ZMYND8: variants seen among roughly 807,000 people sequenced by gnomAD.
ZMYND8 encodes the protein zinc finger MYND-type containing 8.
Under a neutral mutation model 140.8 loss-of-function variants are expected in ZMYND8, and 37 were observed. The ratio of observed to expected loss-of-function variants is 0.26; its 90% CI spans 0.20 to 0.35. The LOEUF (loss-of-function observed/expected upper bound fraction) is 0.35, where lower values mean the gene tolerates loss of function less well. ZMYND8 is among the 10% of genes least tolerant of loss of function. The pLI is 1.00. For missense variants in ZMYND8, 1,068 were observed against 1,570.0 expected (o/e 0.68, Z 5.40); for synonymous variants, 592 against 597.1 (o/e 0.99, Z 0.12).
chr20:47,265,923 G>C (rs533131497), intron 11 of ZMYND8, among the ~76,000 whole-genome samples: 1 of 152,202 alleles, frequency 6.6e-6, no homozygotes, highest in South Asian at 2.1e-4. Flanking sequence ...CAAGAATAAG[G>C]GTGTCAGGAA....
chr20:47,343,626 T>G (rs1306929886), intron 2 of ZMYND8, among the ~76,000 whole-genome samples: 1 of 152,066 alleles, frequency 6.6e-6, no homozygotes, highest in Non-Finnish European at 1.5e-5. Context: ...ATTTTTCTGC[T>G]TCAGTCTCCC....
At position 47,246,447 on chromosome 20, in the gene ZMYND8, T is replaced by C. The variant is rs1196449419; in HGVS notation, c.1845A>G (p.Ser615=). 3.1e-6 allele frequency: 5 copies of C among 1,613,988 alleles called. No homozygotes were observed. The highest frequency in any genetic ancestry group is 1.3e-5 in the African/African-American group (1 of 75,048). ...EHSDSEDSEK[S]DSSDSEYISD... Reference sequence around the variant, plus strand: ...TGATATACTCACTATCGCTACTATCTGACTTCTCAGAATCCTCCGAATCGC... The same window carrying C: ...TGATATACTCACTATCGCTACTATCCGACTTCTCAGAATCCTCCGAATCGC... The change falls in exon 14 of 23, where the codon TCA becomes TCG. Residue 615 remains serine, a synonymous_variant. Transcript: ENST00000471951.
At chr20:47,240,444 G>A (rs1013101392) in intron 14 of ZMYND8, among the ~76,000 whole-genome samples, 3 of 151,636 alleles carry the variant, frequency 2.0e-5, no homozygotes, top group Non-Finnish European at 4.4e-5. Flanking sequence ...AACCCGGGAC[G>A]TGGAGGTTGC....
chr20:47,288,929 C>A (rs988073776), intron 7 of ZMYND8, among the ~76,000 whole-genome samples: 2 of 151,998 alleles, frequency 1.3e-5, no homozygotes, highest in African/African-American at 4.8e-5. Flanking sequence ...TGGCGAAACC[C>A]CATCTCTACT....
chr20:47,311,487 CTGTT>C (rs1247931301), intron 2 of ZMYND8, among the ~76,000 whole-genome samples: 1 of 151,988 alleles, frequency 6.6e-6, no homozygotes, highest in East Asian at 1.9e-4. Flanking sequence ...AACCAGTCCT[CTGTT>C]TGCAGACGTC....
In ZMYND8 at chr20:47,345,841, GA is replaced by G. The variant is rs374157841; in HGVS notation, c.85+2014del. 3.7e-3 allele frequency among the ~76,000 whole-genome samples: 544 copies of G among 148,352 alleles called. 4 individuals carry two copies. Among genetic ancestry groups the G allele is most frequent in the African/African-American group, 0.013 (521 of 39,780 alleles). On this transcript the variant is annotated intron_variant, in intron 2 of 22. Coordinates refer to ENST00000471951, the MANE Select transcript of ZMYND8 (RefSeq NM_001281775.3). ...TTTTTTTTAATAGAGATGGGGGCGGGAGGGGGGGGTCTCGTTAAGTTGCCCA... is the reference window on the plus strand; with the variant it reads ...TTTTTTTTAATAGAGATGGGGGCGGGGGGGGGGGTCTCGTTAAGTTGCCCA...
chr20:47,232,767 A>C (rs1450248581), intron 16 of ZMYND8, among the ~76,000 whole-genome samples: 1 of 152,192 alleles, frequency 6.6e-6, no homozygotes, highest in Non-Finnish European at 1.5e-5. Context: ...ACACCTACTT[A>C]TATCACTAAC....
intron 4 of ZMYND8, among the ~76,000 whole-genome samples, chr20:47,297,620 T>G (rs544457265): frequency 1.3e-5 from 2 of 152,200 alleles, no homozygotes; most frequent in East Asian, 3.9e-4. Flanking sequence ...GATGGGGGTC[T>G]CCCTATGTTG....
At position 47,229,774 on chromosome 20, in the gene ZMYND8, T is replaced by C; in HGVS notation, c.2889A>G (p.Glu963=). The change falls in exon 17 of 23, where the codon GAA becomes GAG. Residue 963 remains glutamate, a synonymous_variant. Transcript: ENST00000471951. The stretch of plus-strand genomic sequence containing the variant: ...TGTTTTTAGAAAGATCGTTGTATAT[T>C]TCTGTCATTGTTCCTTTTATTGCAT... The part of the protein sequence containing the change: ...MMDAIKGTMT[E]IYNDLSKNTT... The C allele has an allele frequency of 6.2e-7, 1 of 1,613,614 alleles. No homozygotes were observed. The highest frequency in any genetic ancestry group is 1.1e-5 in the South Asian group (1 of 90,952).
intron 13 of ZMYND8, 28 bp downstream of exon 13, chr20:47,249,259 G>GAAA: frequency 7.2e-7 from 1 of 1,384,900 alleles, no homozygotes; most frequent in South Asian, 1.3e-5. Flanking sequence ...GATACTGCTG[G>GAAA]AAAAAAAAAA....
intron 21 of ZMYND8, among the ~76,000 whole-genome samples, chr20:47,216,924 C>T (rs1291747259): frequency 6.6e-6 from 1 of 152,152 alleles, no homozygotes; most frequent in African/African-American, 2.4e-5. Context: ...AGGTTAGTGA[C>T]CCAGATTTGC....
At chr20:47,247,310 C>G (rs970323547) in intron 13 of ZMYND8, among the ~76,000 whole-genome samples, 1 of 152,200 alleles carries the variant, frequency 6.6e-6, no homozygotes, top group African/African-American at 2.4e-5. Context: ...CTCCTCTAGG[C>G]GGGGGACACA....
chr20:47,327,376 A>T (rs538857681), intron 2 of ZMYND8, among the ~76,000 whole-genome samples: 37 of 151,306 alleles, frequency 2.4e-4, no homozygotes, highest in Non-Finnish European at 4.7e-4. Flanking sequence ...AAAATAGGCC[A>T]GGTGCGGTGG....
intron 13 of ZMYND8, among the ~76,000 whole-genome samples, chr20:47,248,272 T>C (rs2073892547): frequency 6.6e-6 from 1 of 152,222 alleles, no homozygotes; most frequent in Admixed American, 6.5e-5. Flanking sequence ...AATAAAATTC[T>C]TATTAGCAAT....
chr20:47,210,925 G>A (rs369176541), intron 22 of ZMYND8, 28 bp from the exon 23 acceptor site: 199 of 1,606,198 alleles, frequency 1.2e-4, no homozygotes, highest in Non-Finnish European at 1.6e-4. Context: ...TGTGTTTAGC[G>A]TGCCTGCCCA....
chr20:47,240,686 G>A (rs999847239), intron 14 of ZMYND8, among the ~76,000 whole-genome samples: 4 of 150,946 alleles, frequency 2.6e-5, no homozygotes, highest in South Asian at 2.1e-4. Context: ...TCCCGACTAC[G>A]TGGGATTACA....
At chr20:47,307,081 T>A (rs553630572) in intron 3 of ZMYND8, among the ~76,000 whole-genome samples, 91 of 152,204 alleles carry the variant, frequency 6.0e-4, no homozygotes, top group Non-Finnish European at 8.8e-5. Context: ...GGTGATGGCA[T>A]TAGAGAAGTG....
In ZMYND8 at chr20:47,238,986, C is replaced by A; in HGVS notation, c.2437G>T (p.Ala813Ser). ...TTTTTCACTGGGCTTCCTGTGGCGG[C>A]GGGGGCCGGGGCCGTGACGGTGACC... is the stretch of plus-strand genomic sequence containing the variant. ...STVTVTAPAP[A>S]ATGSPVKKQR... The change falls in exon 15 of 23, where the codon GCC becomes TCC. Residue 813 changes from alanine to serine, a missense_variant. Physicochemically the swap from Ala to Ser is moderately conservative, Grantham distance 99. This residue lies in a region of ZMYND8 where 383 missense variants were observed against 431.2 expected (regional missense o/e 0.89). Coordinates refer to ENST00000471951, the MANE Select transcript of ZMYND8 (RefSeq NM_001281775.3). 1 of 1,609,950 alleles carries A rather than the reference C, an allele frequency of 6.2e-7. No homozygotes were observed. Among genetic ancestry groups the A allele is most frequent in the Non-Finnish European group, 8.5e-7 (1 of 1,176,638 alleles).
At chr20:47,255,535 T>A (rs552178091) in intron 12 of ZMYND8, among the ~76,000 whole-genome samples, 3 of 145,016 alleles carry the variant, frequency 2.1e-5, no homozygotes, top group Non-Finnish European at 4.5e-5. Context: ...ATGGTGGATA[T>A]ATATACACAC....
Sources: allele counts gnomAD v4.1 joint callset (sites outside exome capture counted in the v4.1 genomes callset), GRCh38; gene constraint gnomAD v4.1.1; regional missense constraint gnomAD v4.1.1; transcripts MANE v1.5; gene names NCBI Gene and HGNC (gene_info 2026-07-23, HGNC 2026-07-21).